CSMD1: variants seen among roughly 807,000 people sequenced by gnomAD.
CSMD1 encodes CUB and Sushi multiple domains 1, also known as CUB and sushi domain-containing protein 1.
CSMD1 carries 213 observed loss-of-function variants against 417.5 expected under a neutral mutation model. The observed-to-expected ratio is 0.51, with a 90% CI of 0.46 to 0.57. The LOEUF is 0.57. CSMD1 is among the 20% of genes least tolerant of loss of function. The probability of loss-of-function intolerance (pLI) is 0.00; values close to 1 mark genes in which losing one functional copy is unlikely to be tolerated. For synonymous variants in CSMD1, 2,862 were observed against 1,736.8 expected (o/e 1.65, Z -16.11); for missense variants, 6,923 against 4,529.7 (o/e 1.53, Z -15.17).
chr8:3,920,090 G>A (rs2954618), intron 5 of CSMD1, among the ~76,000 whole-genome samples: 1 of 151,836 alleles, frequency 6.6e-6, no homozygotes, highest in Non-Finnish European at 1.5e-5. Context: ...CTAGACTGCA[G>A]TGGTGCAATC....
chr8:3,871,508 T>C (rs1805479498), intron 5 of CSMD1, among the ~76,000 whole-genome samples: 1 of 152,208 alleles, frequency 6.6e-6, no homozygotes, highest in Non-Finnish European at 1.5e-5. Flanking sequence ...AACATTTGTA[T>C]CTCCATAATG....
intron 3 of CSMD1, among the ~76,000 whole-genome samples, chr8:4,188,830 G>T (rs1008977118): frequency 1.4e-5 from 2 of 148,016 alleles, no homozygotes; most frequent in Non-Finnish European, 3.0e-5. Flanking sequence ...AATTGGGAGG[G>T]ATATTAAAAA....
At chr8:3,666,399 T>C (rs1798696427) in intron 7 of CSMD1, among the ~76,000 whole-genome samples, 1 of 152,200 alleles carries the variant, frequency 6.6e-6, no homozygotes, top group African/African-American at 2.4e-5. Context: ...ATTAAAAATT[T>C]GAAAATATCT....
chr8:3,670,748 T>G (rs114452071), intron 7 of CSMD1, among the ~76,000 whole-genome samples: 52 of 119,204 alleles, frequency 4.4e-4, no homozygotes, highest in Non-Finnish European at 6.1e-4. Context: ...TGTATGTATA[T>G]GGGATATATA....
chr8:4,114,619 A>G (rs938939730), intron 3 of CSMD1, among the ~76,000 whole-genome samples: 1 of 152,208 alleles, frequency 6.6e-6, no homozygotes, highest in Non-Finnish European at 1.5e-5. Flanking sequence ...TGGTCAAAAT[A>G]AATTGAAAAA....
chr8:4,802,495 A>G (rs930458792), intron 1 of CSMD1, among the ~76,000 whole-genome samples: 4 of 150,448 alleles, frequency 2.7e-5, no homozygotes, highest in African/African-American at 9.9e-5. Flanking sequence ...TAAAAACAAG[A>G]CACCACTTAA....
At chr8:4,454,300 G>A (rs923085090) in intron 2 of CSMD1, among the ~76,000 whole-genome samples, 1 of 152,058 alleles carries the variant, frequency 6.6e-6, no homozygotes, top group Non-Finnish European at 1.5e-5. Flanking sequence ...GACACCAGAC[G>A]CAGCCTCTTC....
At chr8:4,554,035 C>T (rs1797984858) in intron 2 of CSMD1, among the ~76,000 whole-genome samples, 1 of 152,248 alleles carries the variant, frequency 6.6e-6, no homozygotes. Context: ...CCCAGTGTTC[C>T]ACATTATATC....
chr8:4,450,751 G>T (rs143766758), intron 2 of CSMD1, among the ~76,000 whole-genome samples: 2 of 152,052 alleles, frequency 1.3e-5, no homozygotes, highest in Non-Finnish European at 2.9e-5. Flanking sequence ...ACAAAACAGC[G>T]GTCTCTTCAC....
chr8:3,429,200 G>A (rs190303985), intron 12 of CSMD1, among the ~76,000 whole-genome samples: 26 of 151,784 alleles, frequency 1.7e-4, no homozygotes, highest in South Asian at 1.0e-3. Context: ...TGTTTTTACC[G>A]TAAAGAAACG....
intron 3 of CSMD1, among the ~76,000 whole-genome samples, chr8:4,414,734 G>A (rs1213725190): frequency 2.0e-5 from 3 of 152,188 alleles, no homozygotes; most frequent in African/African-American, 7.2e-5. Context: ...AAGTTAAGTT[G>A]TGGTTGAGTT....
rs1011862968 is a variant in CSMD1 at position 3,552,468 on chromosome 8, C to T, written c.1344+22477G>A. Among the ~76,000 whole-genome samples the T allele has an allele frequency of 2.6e-5, 4 of 152,160 alleles. No homozygotes were observed. In the East Asian group the frequency reaches 7.7e-4, roughly 29 times the overall value. ...TTGTTAGGCAGTTATAAAGCTTCCT[C>T]TGACCTGTGATAACTGCCTTTCTAT... On this transcript the variant is annotated intron_variant, in intron 10 of 69. Coordinates refer to ENST00000635120, the MANE Select transcript of CSMD1 (RefSeq NM_033225.6).
chr8:4,641,330 G>A (rs911403870), intron 1 of CSMD1, among the ~76,000 whole-genome samples: 6 of 152,028 alleles, frequency 3.9e-5, no homozygotes, highest in African/African-American at 1.2e-4. Context: ...AAAGTAATCA[G>A]CAGAATGTTA....
chr8:4,440,401 C>A (rs889077716), intron 2 of CSMD1, among the ~76,000 whole-genome samples: 1 of 152,152 alleles, frequency 6.6e-6, no homozygotes, highest in Non-Finnish European at 1.5e-5. Flanking sequence ...ATTGCTCTCA[C>A]TCACACCTAT....
chr8:3,984,673 G>T (rs1814168918), intron 5 of CSMD1, among the ~76,000 whole-genome samples: 1 of 137,154 alleles, frequency 7.3e-6, no homozygotes, highest in East Asian at 2.2e-4. Flanking sequence ...AAAACAGAAT[G>T]ATTTATGGGT....
intron 2 of CSMD1, among the ~76,000 whole-genome samples, chr8:4,424,173 A>G (rs747032606): frequency 6.6e-6 from 1 of 152,032 alleles, no homozygotes; most frequent in African/African-American, 2.4e-5. Flanking sequence ...ACAAACCAGA[A>G]AAAGATAAGT....
intron 2 of CSMD1, among the ~76,000 whole-genome samples, chr8:4,426,683 A>C (rs1464616128): frequency 6.8e-6 from 1 of 147,172 alleles, no homozygotes; most frequent in East Asian, 1.9e-4. Flanking sequence ...TATATAATAT[A>C]GTAATATTTT....
intron 1 of CSMD1, among the ~76,000 whole-genome samples, chr8:4,742,668 G>T (rs1356319924): frequency 6.6e-6 from 1 of 152,142 alleles, no homozygotes; most frequent in African/African-American, 2.4e-5. Flanking sequence ...TTAACATGGA[G>T]CATTTTTCAG....
At chr8:4,633,524 C>T (rs184225171) in intron 2 of CSMD1, among the ~76,000 whole-genome samples, 61 of 151,652 alleles carry the variant, frequency 4.0e-4, no homozygotes, top group African/African-American at 1.5e-3. Flanking sequence ...GCTGGGATTA[C>T]AGGTAAGAGC....
Sources: allele counts gnomAD v4.1 joint callset (sites outside exome capture counted in the v4.1 genomes callset), GRCh38; gene constraint gnomAD v4.1.1; transcripts MANE v1.5; gene names NCBI Gene and HGNC (gene_info 2026-07-23, HGNC 2026-07-21).